RIPOR2: variants seen among roughly 807,000 people sequenced by gnomAD.
RIPOR2 encodes the protein RHO family interacting cell polarization regulator 2.
Under a neutral mutation model 114.5 loss-of-function variants are expected in RIPOR2, and 39 were observed. The observed-to-expected ratio is 0.34, with a 90% CI of 0.26 to 0.44. RIPOR2 has a LOEUF of 0.44. Ranked by LOEUF, RIPOR2 falls within the 20% of genes least tolerant of loss-of-function variation. The probability of loss-of-function intolerance (pLI) is 1.00; values close to 1 mark genes in which losing one functional copy is unlikely to be tolerated. For synonymous variants in RIPOR2, 445 were observed against 484.4 expected (o/e 0.92, Z 1.07); for missense variants, 1,007 against 1,255.1 (o/e 0.80, Z 2.99).
chr6:24,821,930 G>C (rs1481985060), intron 19 of RIPOR2, among the ~76,000 whole-genome samples: 1 of 152,188 alleles, frequency 6.6e-6, no homozygotes, highest in Non-Finnish European at 1.5e-5. Context: ...TTTAAGTCTT[G>C]GAATATGTGG....
chr6:25,003,257 G>A (rs2113653978), intron 1 of RIPOR2, among the ~76,000 whole-genome samples: 1 of 152,186 alleles, frequency 6.6e-6, no homozygotes, highest in East Asian at 1.9e-4. Context: ...AGAAAATGCA[G>A]AAAACATATT....
At chr6:25,038,218 G>A (rs750251842) in intron 1 of RIPOR2, among the ~76,000 whole-genome samples, 1 of 152,180 alleles carries the variant, frequency 6.6e-6, no homozygotes, top group African/African-American at 2.4e-5. Context: ...GCTCAAAATC[G>A]AAGTTCTATT....
rs193265249 is a variant in RIPOR2, at chr6:24,912,938, C to T, written c.61+22900G>A. Among the ~76,000 whole-genome samples the T allele has an allele frequency of 1.3e-3, 199 of 152,244 alleles. 5 individuals carry two copies. Among genetic ancestry groups the T allele is most frequent in the Admixed American group, 0.012 (177 of 15,284 alleles). On this transcript the variant is annotated intron_variant, in intron 1 of 21. Transcript: ENST00000643898. ...GCCTGTCATCTCTTTCCCATAGCTG[C>T]CTCCACTTAAAAGATAAGACTACTG... is the stretch of plus-strand genomic sequence containing the variant.
At chr6:24,821,096 C>T (rs910694546) in intron 19 of RIPOR2, among the ~76,000 whole-genome samples, 2 of 151,788 alleles carry the variant, frequency 1.3e-5, no homozygotes, top group Non-Finnish European at 2.9e-5. Flanking sequence ...TGGTCTTGAA[C>T]TCCTGACCTC....
chr6:25,028,317 T>A (rs1173487848), intron 1 of RIPOR2, among the ~76,000 whole-genome samples: 2 of 152,110 alleles, frequency 1.3e-5, no homozygotes, highest in Non-Finnish European at 2.9e-5. Context: ...AGGGTGCATT[T>A]TCTGAATAGA....
Position 24,835,763 on chromosome 6 carries a change from G to T in RIPOR2, c.2148C>A (p.Gly716=), listed in dbSNP as rs1189207908. ...VAGSPLPLTT[G]NESLDITIVR... is the part of the protein sequence containing the mutation. ...CGATGGTGATGTCCAGGCTCTCGTT[G>T]CCTGTGGTCAGTGGGAGAGGACTTC... Residue 716 remains glycine (G), a synonymous_variant, in exon 15 of 22, where the codon GGC becomes GGA. Transcript: ENST00000643898. The T allele has an allele frequency of 1.3e-6, 2 of 1,551,614 alleles. No homozygotes were observed. The highest frequency in any genetic ancestry group is 1.2e-5 in the South Asian group (1 of 84,054).
Position 24,865,559 on chromosome 6 carries a change from A to C in RIPOR2, c.502-109T>G, listed in dbSNP as rs1484722659. 6.9e-6 allele frequency: 6 copies of C among 875,442 alleles called. No homozygotes were observed. In the African/African-American group the frequency reaches 1.0e-4, roughly 15 times the overall value. 54.2% of individuals were successfully genotyped at this position (875,442 alleles called of 1,614,324 possible). Reference sequence around the variant, plus strand: ...TTATATTTCTGACCTCTACAAAGAGAATCCTGTAGAAGTATTATCCTTTTA... The same window carrying C: ...TTATATTTCTGACCTCTACAAAGAGCATCCTGTAGAAGTATTATCCTTTTA... On this transcript the variant is annotated intron_variant, in intron 6 of 21. Transcript: ENST00000643898.
At position 24,847,498 on chromosome 6, in the gene RIPOR2, GC is replaced by G. The variant is rs1220229372; in HGVS notation, c.1164+526del. 2.6e-6 allele frequency: 4 copies of G among 1,534,652 alleles called. No individual in the cohort carries two copies. The South Asian group carries it at 4.8e-5, about 18-fold the overall frequency. Reference sequence around the variant, plus strand: ...ACATGCTAAGTCACACATGCCACAAGCCCCAGAAGTCAAGCACTCCATACCC... The same window carrying G: ...ACATGCTAAGTCACACATGCCACAAGCCCAGAAGTCAAGCACTCCATACCC... On this transcript the variant is annotated intron_variant, in intron 12 of 21. Coordinates refer to ENST00000643898, the MANE Select transcript of RIPOR2 (RefSeq NM_001286445.3).
chr6:24,840,250 T>C (rs538160879), intron 13 of RIPOR2: 233 of 1,017,572 alleles, frequency 2.3e-4, no homozygotes, highest in Middle Eastern at 5.0e-4. Flanking sequence ...GCTCACAGCA[T>C]ATAATTTTTC....
intron 1 of RIPOR2, among the ~76,000 whole-genome samples, chr6:24,948,847 C>T (rs1025543674): frequency 6.6e-6 from 1 of 152,162 alleles, no homozygotes; most frequent in African/African-American, 2.4e-5. Context: ...CTATTTCAAA[C>T]ATTTTTTTGC....
chr6:24,931,811 G>A (rs1771411398), intron 1 of RIPOR2: 1 of 152,122 alleles, frequency 6.6e-6, no homozygotes, highest in African/African-American at 2.4e-5. Flanking sequence ...ATGGAGGCGG[G>A]GCGGGTTGCG....
chr6:24,849,058 C>T (rs984995779), intron 11 of RIPOR2, among the ~76,000 whole-genome samples: 1 of 152,162 alleles, frequency 6.6e-6, no homozygotes, highest in African/African-American at 2.4e-5. Flanking sequence ...GTGCCTGCCA[C>T]AATGCCCAGC....
intron 7 of RIPOR2, among the ~76,000 whole-genome samples, chr6:24,862,909 A>T (rs750709348): frequency 9.9e-5 from 15 of 151,950 alleles, no homozygotes; most frequent in Non-Finnish European, 1.5e-4. Flanking sequence ...CATCATCATA[A>T]TAACATGCTG....
At chr6:24,968,390 C>T (rs905222330) in intron 1 of RIPOR2, among the ~76,000 whole-genome samples, 8 of 152,156 alleles carry the variant, frequency 5.3e-5, no homozygotes, top group Non-Finnish European at 1.0e-4. Flanking sequence ...TTTCTACATT[C>T]ACTCCTGCTG....
At chr6:25,004,986 TACACACACACACACACACAC>T (rs58120451) in intron 1 of RIPOR2, among the ~76,000 whole-genome samples, 7 of 146,432 alleles carry the variant, frequency 4.8e-5, no homozygotes, top group Non-Finnish European at 9.1e-5. Context: ...TCAAATAGGC[TACACACACACACACACACAC>T]ACACACACAC....
At chr6:24,986,319 C>T (rs1412295523) in intron 1 of RIPOR2, among the ~76,000 whole-genome samples, 1 of 152,182 alleles carries the variant, frequency 6.6e-6, no homozygotes, top group Non-Finnish European at 1.5e-5. Context: ...ACTGTCCATG[C>T]TCTTAACCAC....
rs142286939 is a variant in RIPOR2 at position 25,039,712 on chromosome 6, T to C, written c.76+2139A>G. ...CAGCTTTTCTCAGTGACGGATTCCA[T>C]AACGGAGGTATTGGATTAAAACTTA... On this transcript the variant is annotated intron_variant, in intron 1 of 13. Transcript: ENST00000510784. 2.8e-4 allele frequency among the ~76,000 whole-genome samples: 43 copies of C among 152,302 alleles called. 1 individual carries two copies. The East Asian group carries it at 7.9e-3, about 28-fold the overall frequency.
At chr6:25,039,303 G>A (rs1330182377) in intron 1 of RIPOR2, among the ~76,000 whole-genome samples, 1 of 152,050 alleles carries the variant, frequency 6.6e-6, no homozygotes, top group African/African-American at 2.4e-5. Flanking sequence ...TCTCTGATTC[G>A]CTGCCTGCAA....
At chr6:25,041,684 C>T (rs1322041646) in intron 1 of RIPOR2, among the ~76,000 whole-genome samples, 1 of 151,880 alleles carries the variant, frequency 6.6e-6, no homozygotes, top group African/African-American at 2.4e-5. Flanking sequence ...GAGAGAGAGT[C>T]GGTAAAAAAA....
Sources: allele counts gnomAD v4.1 joint callset (sites outside exome capture counted in the v4.1 genomes callset), GRCh38; gene constraint gnomAD v4.1.1; transcripts MANE v1.5; gene names NCBI Gene and HGNC (gene_info 2026-07-23, HGNC 2026-07-21).